The following CSMD1 variants were observed in gnomAD, a reference collection of about 807,000 sequenced individuals.
The protein encoded by CSMD1 is CUB and Sushi multiple domains 1, also known as CUB and sushi domain-containing protein 1.
CSMD1 carries 213 observed loss-of-function variants against 417.5 expected under a neutral mutation model. The ratio of observed to expected loss-of-function variants is 0.51; its 90% CI spans 0.46 to 0.57. The LOEUF is 0.57. Among genes scored for constraint, CSMD1 ranks in the 20% least tolerant of loss-of-function variants. CSMD1 has a pLI of 0.00. For missense variants in CSMD1, 6,923 were observed against 4,529.7 expected (o/e 1.53, Z -15.17); for synonymous variants, 2,862 against 1,736.8 (o/e 1.65, Z -16.11).
chr8:3,826,524 T>A (rs1802063760), intron 5 of CSMD1, among the ~76,000 whole-genome samples: 1 of 152,116 alleles, frequency 6.6e-6, no homozygotes, highest in African/African-American at 2.4e-5. Flanking sequence ...CATTTTCAGA[T>A]GTTCTGTCTT....
chr8:4,099,194 T>A lies in CSMD1; in HGVS notation c.416-67095A>T, dbSNP rs200018007. ...TATCTGAACACACACACATACACAC[T>A]CACACACACACGCACACACACACAC... On this transcript the variant is annotated intron_variant, in intron 3 of 69. Coordinates refer to ENST00000635120, the MANE Select transcript of CSMD1 (RefSeq NM_033225.6). Among the ~76,000 whole-genome samples, 134 of 143,612 alleles carry A rather than the reference T, an allele frequency of 9.3e-4. 1 individual carries two copies. The East Asian group carries it at 0.023, about 25-fold the overall frequency. The allele number at this position is 143,612 out of a possible 152,430, so 94.2% of individuals were successfully genotyped here. A position where few individuals can be genotyped will look rare whatever the true frequency, so the allele number is the denominator to read the frequency against.
chr8:3,103,953 C>T (rs919276717), intron 46 of CSMD1, among the ~76,000 whole-genome samples: 4 of 151,852 alleles, frequency 2.6e-5, no homozygotes, highest in African/African-American at 4.8e-5. Context: ...ATGTTGGTCA[C>T]GGTGGTCTTG....
chr8:4,284,354 G>C (rs1323041922), intron 3 of CSMD1, among the ~76,000 whole-genome samples: 3 of 151,878 alleles, frequency 2.0e-5, no homozygotes. Context: ...GGGGACAAGA[G>C]AGAAACTACA....
At chr8:4,446,985 G>C (rs1382115412) in intron 2 of CSMD1, among the ~76,000 whole-genome samples, 2 of 151,924 alleles carry the variant, frequency 1.3e-5, no homozygotes, top group African/African-American at 2.4e-5. Flanking sequence ...AGATGACTGG[G>C]TGGAGTGGTA....
At chr8:4,001,652 C>A (rs1366902317) in intron 4 of CSMD1, among the ~76,000 whole-genome samples, 1 of 152,074 alleles carries the variant, frequency 6.6e-6, no homozygotes, top group Non-Finnish European at 1.5e-5. Flanking sequence ...AGATCTTAGA[C>A]ACTTACTATC....
intron 2 of CSMD1, among the ~76,000 whole-genome samples, chr8:4,508,544 T>C (rs1218729958): frequency 6.6e-6 from 1 of 152,182 alleles, no homozygotes; most frequent in African/African-American, 2.4e-5. Context: ...AGATGAAGTT[T>C]ACTGCATATT....
chr8:3,902,772 G>C (rs932748588), intron 5 of CSMD1, among the ~76,000 whole-genome samples: 5 of 152,190 alleles, frequency 3.3e-5, no homozygotes, highest in Middle Eastern at 3.4e-3. Flanking sequence ...ATCAAATAGA[G>C]TAGAGCTGTC....
chr8:3,829,160 G>T (rs897404335), intron 5 of CSMD1, among the ~76,000 whole-genome samples: 5 of 152,162 alleles, frequency 3.3e-5, no homozygotes, highest in Admixed American at 2.6e-4. Flanking sequence ...TCTATTTGTT[G>T]TCTTTTATCC....
At chr8:3,200,777 T>A (rs1030282201) in intron 32 of CSMD1, among the ~76,000 whole-genome samples, 1 of 152,056 alleles carries the variant, frequency 6.6e-6, no homozygotes, top group African/African-American at 2.4e-5. Flanking sequence ...TAACAAAACA[T>A]AGGTCTTAAG....
At chr8:3,853,572 A>C (rs1390758360) in intron 5 of CSMD1, among the ~76,000 whole-genome samples, 1 of 152,254 alleles carries the variant, frequency 6.6e-6, no homozygotes, top group African/African-American at 2.4e-5. Context: ...TGATTATGAA[A>C]AAAATAAGTT....
At chr8:4,510,852 CTCCCT>C (rs1210013857) in intron 2 of CSMD1, among the ~76,000 whole-genome samples, 101 of 142,616 alleles carry the variant, frequency 7.1e-4, no homozygotes, top group African/African-American at 1.5e-3. Context: ...CTCCTCCCTC[CTCCCT>C]TCCCTTCCCT....
At chr8:3,609,418 GT>G (rs1435006897) in intron 8 of CSMD1, among the ~76,000 whole-genome samples, 1 of 152,152 alleles carries the variant, frequency 6.6e-6, no homozygotes, top group Non-Finnish European at 1.5e-5. Context: ...TCAGCAAACT[GT>G]CCCCAAACTG....
intron 1 of CSMD1, among the ~76,000 whole-genome samples, chr8:4,915,474 G>T (rs1585320021): frequency 6.6e-6 from 1 of 152,150 alleles, no homozygotes; most frequent in African/African-American, 2.4e-5. Context: ...CCTTTCCTCA[G>T]AACCAACATA....
chr8:3,532,402 G>A (rs976787827), intron 10 of CSMD1, among the ~76,000 whole-genome samples: 1 of 152,128 alleles, frequency 6.6e-6, no homozygotes, highest in Admixed American at 6.5e-5. Flanking sequence ...AGGATGGTGA[G>A]CTAGAAGAAA....
In CSMD1 at chr8:4,386,917, G is replaced by A. The variant is rs917677178; in HGVS notation, c.415+33036C>T. On this transcript the variant is annotated intron_variant, in intron 3 of 69. Coordinates refer to ENST00000635120, the MANE Select transcript of CSMD1 (RefSeq NM_033225.6). Reference sequence around the variant, plus strand: ...TCATGAATAGTTAAAAGGAAACTTCGAGGCAGATAATACTATTGATAGAAA... The same window carrying A: ...TCATGAATAGTTAAAAGGAAACTTCAAGGCAGATAATACTATTGATAGAAA... 2.1e-4 allele frequency among the ~76,000 whole-genome samples: 32 copies of A among 152,170 alleles called. 1 individual carries two copies. The highest frequency in any genetic ancestry group is 7.5e-4 in the African/African-American group (31 of 41,432).
intron 3 of CSMD1, among the ~76,000 whole-genome samples, chr8:4,098,905 G>C (rs1585310303): frequency 6.6e-6 from 1 of 152,156 alleles, no homozygotes. Flanking sequence ...CTGTGGGTTA[G>C]AACCAGTATT....
intron 1 of CSMD1, among the ~76,000 whole-genome samples, chr8:4,811,816 G>A (rs1210194633): frequency 1.3e-5 from 2 of 151,978 alleles, no homozygotes; most frequent in African/African-American, 2.4e-5. Flanking sequence ...CATAGACATA[G>A]GAAAAGATGT....
At chr8:3,215,578 C>T (rs1797833595) in intron 29 of CSMD1, among the ~76,000 whole-genome samples, 1 of 152,252 alleles carries the variant, frequency 6.6e-6, no homozygotes, top group African/African-American at 2.4e-5. Flanking sequence ...TAGGCATTCA[C>T]TTTTGGCTGC....
At chr8:3,276,602 T>C (rs1208225807) in intron 26 of CSMD1, among the ~76,000 whole-genome samples, 1 of 152,152 alleles carries the variant, frequency 6.6e-6, no homozygotes, top group Non-Finnish European at 1.5e-5. Context: ...GTGGGAATTG[T>C]GGGAGCTACA....
Sources: gnomAD v4.1 joint callset for allele counts (sites outside exome capture counted in the v4.1 genomes callset) on GRCh38, gnomAD v4.1.1 for gene constraint, MANE v1.5 for transcripts, NCBI Gene and HGNC (gene_info 2026-07-23, HGNC 2026-07-21) for gene names.